The following TSHZ3 variants were observed in gnomAD, a reference collection of about 807,000 sequenced individuals.
TSHZ3 encodes the protein teashirt homolog 3.
A neutral mutation model predicts 64.5 loss-of-function variants in TSHZ3; 10 were observed. The observed-to-expected ratio is 0.16, with a 90% CI of 0.10 to 0.26. The LOEUF (loss-of-function observed/expected upper bound fraction) is 0.26, where lower values mean the gene tolerates loss of function less well. TSHZ3 is among the 10% of genes least tolerant of loss of function. The probability of loss-of-function intolerance (pLI) is 1.00; values close to 1 mark genes in which losing one functional copy is unlikely to be tolerated. For missense variants in TSHZ3, 1,242 were observed against 1,421.7 expected (o/e 0.87, Z 2.03); for synonymous variants, 608 against 593.1 (o/e 1.03, Z -0.36).
chr19:31,264,298 G>A (rs891722982), intron 1 of TSHZ3, among the ~76,000 whole-genome samples: 5 of 152,226 alleles, frequency 3.3e-5, no homozygotes, highest in African/African-American at 1.2e-4. Flanking sequence ...ACTCAAAGAT[G>A]AGAGTTTCCT....
At position 31,165,009 on chromosome 19, in the gene TSHZ3, C is replaced by A. The variant is rs150858707; in HGVS notation, n.810-8592G>T. Among the ~76,000 whole-genome samples, 122 of 152,332 alleles carry A rather than the reference C, an allele frequency of 8.0e-4. No homozygotes were observed. In the East Asian group the frequency reaches 0.02, roughly 25 times the overall value. On this transcript the variant is annotated intron_variant and non_coding_transcript_variant, in intron 5 of 6. Transcript: ENST00000651361. The stretch of plus-strand genomic sequence containing the variant: ...GGTGGAAAGCCCACCCTGCCGAGCC[C>A]GTCCCGGGGATGATGCCAGGGCCGG...
intron 1 of TSHZ3, among the ~76,000 whole-genome samples, chr19:31,297,679 G>A (rs1477478570): frequency 3.3e-5 from 5 of 152,014 alleles, no homozygotes. Flanking sequence ...TGTTGCCCAG[G>A]CTGGTCTTGA....
rs1338131280 is a variant in TSHZ3, at chr19:31,194,584, A to G, written n.809+10372T>C. The stretch of plus-strand genomic sequence containing the variant: ...CTGAGACCCAATCACAGGTCTAGAG[A>G]ATGCACCCCTTCTCCCTGCACCTTA... On this transcript the variant is annotated intron_variant and non_coding_transcript_variant, in intron 5 of 6. Transcript: ENST00000651361. Among the ~76,000 whole-genome samples, 5 of 152,146 alleles carry G rather than the reference A, an allele frequency of 3.3e-5. No homozygotes were observed. In the East Asian group the frequency reaches 9.6e-4, roughly 29 times the overall value.
upstream of TSHZ3, among the ~76,000 whole-genome samples, chr19:31,350,499 C>T (rs1397828590): frequency 2.6e-5 from 4 of 151,380 alleles, no homozygotes; most frequent in Non-Finnish European, 4.4e-5. Context: ...AGAAGGAAAC[C>T]GGGCTCCCCT....
rs576268023 is a variant in TSHZ3, at chr19:31,178,149, T to C, written n.810-21732A>G. Reference sequence around the variant, plus strand: ...GGGTTAGCAAATAGTAAGCTTCCCATTGATGATAGATATGATCGTTCTTTT... The same window carrying C: ...GGGTTAGCAAATAGTAAGCTTCCCACTGATGATAGATATGATCGTTCTTTT... On this transcript the variant is annotated intron_variant and non_coding_transcript_variant, in intron 5 of 6. Transcript: ENST00000651361. 2.0e-4 allele frequency among the ~76,000 whole-genome samples: 31 copies of C among 152,310 alleles called. 1 individual carries two copies. The highest frequency in any genetic ancestry group is 7.0e-4 in the African/African-American group (29 of 41,586).
At chr19:31,309,539 C>A (rs1202109621) in intron 1 of TSHZ3, among the ~76,000 whole-genome samples, 1 of 152,120 alleles carries the variant, frequency 6.6e-6, no homozygotes, top group African/African-American at 2.4e-5. Flanking sequence ...GCATTGGGAA[C>A]CATCAAGTCA....
At chr19:31,242,032 A>C (rs1230160345) in intron 3 of TSHZ3, among the ~76,000 whole-genome samples, 4 of 152,194 alleles carry the variant, frequency 2.6e-5, no homozygotes, top group Non-Finnish European at 5.9e-5. Context: ...ATAGATAATT[A>C]AGTGGGTAAT....
intron 3 of TSHZ3, among the ~76,000 whole-genome samples, chr19:31,237,563 G>A (rs181924612): frequency 5.9e-4 from 89 of 151,528 alleles, no homozygotes; most frequent in African/African-American, 2.0e-3. Flanking sequence ...ACCAACTTAC[G>A]GCTTTGTTAA....
intron 3 of TSHZ3, among the ~76,000 whole-genome samples, chr19:31,234,215 T>C (rs939263972): frequency 6.6e-5 from 10 of 152,238 alleles, no homozygotes; most frequent in Non-Finnish European, 1.0e-4. Flanking sequence ...CATATATTCA[T>C]CTTGTATTCT....
intron 5 of TSHZ3, among the ~76,000 whole-genome samples, chr19:31,157,515 TA>T (rs1342227977): frequency 6.6e-6 from 1 of 152,206 alleles, no homozygotes; most frequent in East Asian, 1.9e-4. Context: ...TCTAGCCCAT[TA>T]CAGAATAACT....
intron 5 of TSHZ3, among the ~76,000 whole-genome samples, chr19:31,161,866 G>A (rs536723302): frequency 6.6e-6 from 1 of 152,348 alleles, no homozygotes; most frequent in Non-Finnish European, 1.5e-5. Flanking sequence ...TGGGCTATAT[G>A]TAAATGAAGA....
chr19:31,232,226 T>A (rs905194946), intron 3 of TSHZ3, among the ~76,000 whole-genome samples: 1 of 151,916 alleles, frequency 6.6e-6, no homozygotes, highest in Non-Finnish European at 1.5e-5. Flanking sequence ...TGCTCCCAAG[T>A]AGAAGAAATC....
At chr19:31,295,298 T>C (rs1976643465) in intron 1 of TSHZ3, among the ~76,000 whole-genome samples, 2 of 152,230 alleles carry the variant, frequency 1.3e-5, no homozygotes, top group African/African-American at 2.4e-5. Context: ...GGCAATTCTA[T>C]TCCTAGATCT....
At chr19:31,150,625 G>T (rs1974226423) in exon 7 of TSHZ3, among the ~76,000 whole-genome samples, 1 of 152,196 alleles carries the variant, frequency 6.6e-6, no homozygotes, top group African/African-American at 2.4e-5. Context: ...AGCGCACGGG[G>T]CAGACACAAT....
At chr19:31,192,500 C>G (rs1284345745) in intron 5 of TSHZ3, among the ~76,000 whole-genome samples, 1 of 152,192 alleles carries the variant, frequency 6.6e-6, no homozygotes, top group Non-Finnish European at 1.5e-5. Context: ...ATGATTTGCA[C>G]TTAATAGATG....
At chr19:31,221,351 C>T (rs1390605354) in intron 4 of TSHZ3, among the ~76,000 whole-genome samples, 1 of 152,122 alleles carries the variant, frequency 6.6e-6, no homozygotes, top group Non-Finnish European at 1.5e-5. Flanking sequence ...TTTTGAGACA[C>T]AGGAGTGTCA....
intron 1 of TSHZ3, among the ~76,000 whole-genome samples, chr19:31,266,909 T>C (rs1045769937): frequency 6.6e-6 from 1 of 152,138 alleles, no homozygotes; most frequent in African/African-American, 2.4e-5. Context: ...CCCTCCCCTC[T>C]CTGCAAGCTC....
chr19:31,194,202 G>A (rs1054772849), intron 5 of TSHZ3, among the ~76,000 whole-genome samples: 1 of 152,182 alleles, frequency 6.6e-6, no homozygotes, highest in African/African-American at 2.4e-5. Context: ...ACTCTAGGTG[G>A]ACTAGTCATT....
chr19:31,168,068 T>C (rs923244996), intron 5 of TSHZ3, among the ~76,000 whole-genome samples: 1 of 152,158 alleles, frequency 6.6e-6, no homozygotes, highest in African/African-American at 2.4e-5. Context: ...AATAATTAGA[T>C]CAGAGATAGA....
Sources: allele counts gnomAD v4.1 joint callset (sites outside exome capture counted in the v4.1 genomes callset), GRCh38; gene constraint gnomAD v4.1.1; transcripts MANE v1.5; gene names NCBI Gene and HGNC (gene_info 2026-07-23, HGNC 2026-07-21).